USH2A: variants seen among roughly 807,000 people sequenced by gnomAD.
USH2A encodes usherin, also known as Usher syndrome 2A (autosomal recessive, mild).
USH2A carries 443 observed loss-of-function variants against 538.9 expected under a neutral mutation model. The ratio of observed to expected loss-of-function variants is 0.82; its 90% CI spans 0.76 to 0.89. USH2A has a LOEUF of 0.89. Ranked by LOEUF, USH2A falls within the 40% of genes least tolerant of loss-of-function variation. The pLI is 0.00. For missense variants in USH2A, 6,633 were observed against 6,324.8 expected (o/e 1.05, Z -1.65); for synonymous variants, 2,413 against 2,273.5 (o/e 1.06, Z -1.75).
At chr1:216,081,980 G>A (rs2031962688) in intron 26 of USH2A, among the ~76,000 whole-genome samples, 1 of 151,824 alleles carries the variant, frequency 6.6e-6, no homozygotes, top group Admixed American at 6.6e-5. Flanking sequence ...AATGAATAGA[G>A]GAAGGTGGAG....
intron 61 of USH2A, among the ~76,000 whole-genome samples, chr1:215,707,355 T>C (rs1349524048): frequency 6.6e-6 from 1 of 152,186 alleles, no homozygotes; most frequent in Admixed American, 6.5e-5. Flanking sequence ...TAAGTTCTGA[T>C]TGTCACTCAC....
At chr1:215,822,867 A>G (rs1257365707) in intron 47 of USH2A, among the ~76,000 whole-genome samples, 1 of 152,056 alleles carries the variant, frequency 6.6e-6, no homozygotes, top group Non-Finnish European at 1.5e-5. Context: ...ATCTATTGAA[A>G]TGATCATATG....
intron 36 of USH2A, among the ~76,000 whole-genome samples, chr1:215,966,792 A>G (rs1667358230): frequency 6.6e-6 from 1 of 152,194 alleles, no homozygotes. Flanking sequence ...ACATAGAATG[A>G]TTTTAAAGCA....
chr1:216,397,317 C>T (rs2039227844), intron 3 of USH2A, among the ~76,000 whole-genome samples: 3 of 152,308 alleles, frequency 2.0e-5, no homozygotes, highest in Non-Finnish European at 4.4e-5. Context: ...ATTTATGCTA[C>T]ATTTTTAAAT....
At position 215,696,071 on chromosome 1, in the gene USH2A, C is replaced by T. The variant is rs529764566; in HGVS notation, c.12067-15695G>A. ...GCCTACACATAGCTTTTGACTCCCCCGGAACTTAACTACTAACAGGATACT... is the reference window on the plus strand; with the variant it reads ...GCCTACACATAGCTTTTGACTCCCCTGGAACTTAACTACTAACAGGATACT... On this transcript the variant is annotated intron_variant, in intron 61 of 71. Transcript: ENST00000307340. 4.6e-5 allele frequency among the ~76,000 whole-genome samples: 7 copies of T among 152,114 alleles called. No homozygotes were observed. In the East Asian group the frequency reaches 5.8e-4, roughly 13 times the overall value.
chr1:216,070,433 C>A, intron 29 of USH2A, 141 bp from the exon 30 acceptor site: 1 of 822,324 alleles, frequency 1.2e-6, no homozygotes, highest in South Asian at 1.5e-5. Flanking sequence ...AACTTTTCAG[C>A]ATTGATTTAA....
chr1:216,401,980 C>T (rs1365274450), intron 3 of USH2A, among the ~76,000 whole-genome samples: 1 of 152,046 alleles, frequency 6.6e-6, no homozygotes, highest in Admixed American at 6.6e-5. Context: ...AATTGGTTTT[C>T]TTCACACCTA....
chr1:216,280,359 T>C (rs576599082), intron 11 of USH2A, among the ~76,000 whole-genome samples: 1 of 151,466 alleles, frequency 6.6e-6, no homozygotes, highest in African/African-American at 2.4e-5. Flanking sequence ...TTGGATCTGA[T>C]GAAAGTACTG....
intron 35 of USH2A, among the ~76,000 whole-genome samples, chr1:215,975,748 T>C (rs1667604924): frequency 6.6e-6 from 1 of 152,192 alleles, no homozygotes; most frequent in African/African-American, 2.4e-5. Flanking sequence ...TTGAGTAATG[T>C]GATGCCTCCA....
chr1:215,627,433 C>CTTCTTCCTTCT (rs1381799883), intron 71 of USH2A, among the ~76,000 whole-genome samples: 7 of 74,764 alleles, frequency 9.4e-5, no homozygotes, highest in Non-Finnish European at 1.6e-4. Context: ...TCCTTCCTTC[C>CTTCTTCCTTCT]TTCCTTCCTT....
intron 61 of USH2A, among the ~76,000 whole-genome samples, chr1:215,690,177 A>C (rs1198560082): frequency 6.6e-6 from 1 of 152,076 alleles, no homozygotes; most frequent in African/African-American, 2.4e-5. Flanking sequence ...CTGACTCTTT[A>C]ACCAATAGTG....
chr1:215,866,218 GT>G (rs918490469), intron 44 of USH2A, among the ~76,000 whole-genome samples: 1 of 152,046 alleles, frequency 6.6e-6, no homozygotes, highest in Non-Finnish European at 1.5e-5. Context: ...TAGATTCAGG[GT>G]TTTTTTCCTG....
At chr1:216,018,591 A>G (rs1668772270) in intron 32 of USH2A, among the ~76,000 whole-genome samples, 1 of 152,186 alleles carries the variant, frequency 6.6e-6, no homozygotes, top group Non-Finnish European at 1.5e-5. Flanking sequence ...AAAGCTCAGG[A>G]CAAGGTAGAG....
At chr1:216,288,417 C>T (rs368744119) in intron 11 of USH2A, among the ~76,000 whole-genome samples, 1 of 151,852 alleles carries the variant, frequency 6.6e-6, no homozygotes, top group Non-Finnish European at 1.5e-5. Flanking sequence ...TTATATTTGT[C>T]TTTTATTTGG....
intron 52 of USH2A, among the ~76,000 whole-genome samples, chr1:215,784,914 AC>A (rs1475007146): frequency 6.6e-6 from 1 of 152,202 alleles, no homozygotes; most frequent in African/African-American, 2.4e-5. Flanking sequence ...GATCTTGATT[AC>A]AAGGGGCAGA....
At chr1:215,742,721 T>C (rs1332996957) in intron 59 of USH2A, among the ~76,000 whole-genome samples, 1 of 152,166 alleles carries the variant, frequency 6.6e-6, no homozygotes, top group Non-Finnish European at 1.5e-5. Flanking sequence ...TTTGTATATA[T>C]GAATAGGGTT....
At chr1:216,390,124 C>A (rs941399578) in intron 3 of USH2A, among the ~76,000 whole-genome samples, 1 of 152,224 alleles carries the variant, frequency 6.6e-6, no homozygotes, top group South Asian at 2.1e-4. Context: ...TGTATAACTA[C>A]ATAATTTGAA....
At chr1:216,215,565 C>T (rs1166966501) in intron 15 of USH2A, among the ~76,000 whole-genome samples, 1 of 152,034 alleles carries the variant, frequency 6.6e-6, no homozygotes, top group Non-Finnish European at 1.5e-5. Context: ...GTTTTGACCT[C>T]CTCTGAAGGC....
intron 64 of USH2A, among the ~76,000 whole-genome samples, chr1:215,660,665 T>C (rs556396158): frequency 6.6e-6 from 1 of 152,340 alleles, no homozygotes; most frequent in South Asian, 2.1e-4. Flanking sequence ...AGTTAAAATT[T>C]CTCAAAAAGT....
Sources: gnomAD v4.1 joint callset for allele counts (sites outside exome capture counted in the v4.1 genomes callset) on GRCh38, gnomAD v4.1.1 for gene constraint, MANE v1.5 for transcripts, NCBI Gene and HGNC (gene_info 2026-07-23, HGNC 2026-07-21) for gene names.